BCAS3: variants seen among roughly 807,000 people sequenced by gnomAD.
BCAS3 encodes the protein BCAS3 microtubule associated cell migration factor, also known as BCAS4/BCAS3 fusion.
A neutral mutation model predicts 116.1 loss-of-function variants in BCAS3; 53 were observed. That is an observed-to-expected ratio of 0.46 (90% CI 0.37 to 0.57). The LOEUF (loss-of-function observed/expected upper bound fraction) is 0.57. BCAS3 is among the 20% of genes least tolerant of loss of function. The pLI is 0.00. For missense variants in BCAS3, 917 were observed against 1,165.4 expected (o/e 0.79, Z 3.10); for synonymous variants, 391 against 408.2 (o/e 0.96, Z 0.51).
chr17:61,260,279 C>T (rs1036902485), intron 22 of BCAS3, among the ~76,000 whole-genome samples: 1 of 152,200 alleles, frequency 6.6e-6, no homozygotes, highest in African/African-American at 2.4e-5. Flanking sequence ...AATATGAAAA[C>T]AGTGGAGTTC....
intron 22 of BCAS3, among the ~76,000 whole-genome samples, chr17:61,299,205 A>T (rs2053218724): frequency 6.6e-6 from 1 of 151,668 alleles, no homozygotes; most frequent in African/African-American, 2.4e-5. Context: ...GTACTTTGGG[A>T]GGCTGCGGCA....
rs755081128 is a variant in BCAS3 at position 61,095,884 on chromosome 17, AGTTT to A, written c.2425+11329_2425+11332del. On this transcript the variant is annotated intron_variant, in intron 22 of 23. Transcript: ENST00000407086. The surrounding 1 kb of genome is among the most constrained non-coding windows in gnomAD (Gnocchi z 4.7). Reference sequence around the variant, plus strand: ...ACACACACACACACATTAAATTACTAGTTTGTTTGTTTATTTCTACAGAAATTCA... The same window carrying A: ...ACACACACACACACATTAAATTACTAGTTTGTTTATTTCTACAGAAATTCA... Among the ~76,000 whole-genome samples, 11 of 150,752 alleles carry A rather than the reference AGTTT, an allele frequency of 7.3e-5. No individual in the cohort carries two copies. The highest frequency in any genetic ancestry group is 9.9e-5 in the African/African-American group (4 of 40,364).
chr17:60,745,133 T>G (rs2041922739), intron 5 of BCAS3, among the ~76,000 whole-genome samples: 1 of 152,106 alleles, frequency 6.6e-6, no homozygotes, highest in African/African-American at 2.4e-5. Flanking sequence ...AACTGGCATA[T>G]GCAAATAATA....
At chr17:60,929,898 CTCA>C (rs1453878250) in intron 13 of BCAS3, among the ~76,000 whole-genome samples, 4 of 150,624 alleles carry the variant, frequency 2.7e-5, no homozygotes, top group African/African-American at 1.0e-4. Context: ...AGGACATGAA[CTCA>C]TCATTTTTTA....
chr17:60,799,425 C>T (rs555384762), intron 6 of BCAS3, among the ~76,000 whole-genome samples: 4 of 152,164 alleles, frequency 2.6e-5, no homozygotes, highest in African/African-American at 7.2e-5. Context: ...TGCAACATCC[C>T]CAGCCCTTGA....
intron 10 of BCAS3, chr17:60,900,179 T>C (rs989566371): frequency 7.8e-5 from 11 of 141,024 alleles, no homozygotes; most frequent in African/African-American, 3.3e-4. Flanking sequence ...AGTGAGACGC[T>C]GTCTCTTAAA....
intron 22 of BCAS3, among the ~76,000 whole-genome samples, chr17:61,195,215 G>A (rs1237774514): frequency 6.6e-6 from 1 of 152,228 alleles, no homozygotes. Context: ...GATACAGTAT[G>A]TGAAAGCTGT....
At chr17:60,800,790 G>T (rs1478257338) in intron 6 of BCAS3, among the ~76,000 whole-genome samples, 1 of 151,768 alleles carries the variant, frequency 6.6e-6, no homozygotes, top group Non-Finnish European at 1.5e-5. Flanking sequence ...TTTTTTTATG[G>T]ACATCCAGTT....
At chr17:60,779,925 G>T (rs2045647642) in intron 6 of BCAS3, among the ~76,000 whole-genome samples, 1 of 151,986 alleles carries the variant, frequency 6.6e-6, no homozygotes, top group Admixed American at 6.6e-5. Context: ...ATGATCACTG[G>T]AGCTTGGTGT....
chr17:60,995,732 A>C lies in BCAS3; in HGVS notation c.1486+5497A>C, dbSNP rs982235620. Among the ~76,000 whole-genome samples, 2 of 152,180 alleles carry C rather than the reference A, an allele frequency of 1.3e-5. No individual in the cohort carries two copies. Among genetic ancestry groups the C allele is most frequent in the Admixed American group, 6.5e-5 (1 of 15,280 alleles). ...AGTAACAACTTAAAAAAACATCTCC[A>C]AGGTGTAGTCATTTGATCAACAACA... On this transcript the variant is annotated intron_variant, in intron 15 of 23. Transcript: ENST00000407086. The surrounding 1 kb of genome is among the most constrained non-coding windows in gnomAD (Gnocchi z 4.7).
Position 61,391,936 on chromosome 17 carries a change from C to A in BCAS3, c.2594-41C>A. 6.2e-7 allele frequency: 1 copy of A among 1,602,590 alleles called. No homozygotes were observed. ...CCAGATGGTGCCCCCACTCCCCAGA[C>A]CCAACTCTAACCAGGCCTGGCCCTC... On this transcript the variant is annotated intron_variant, in intron 23 of 23. Transcript: ENST00000407086. The surrounding 1 kb of genome is among the most constrained non-coding windows in gnomAD (Gnocchi z 7.7).
At position 61,362,430 on chromosome 17, in the gene BCAS3, C is replaced by T. The variant is rs77653676; in HGVS notation, c.2426-5897C>T. ...CCAAACCTGGGCAGAACCTCATTAA[C>T]GCAAAGCGGAGGCTGTGCCACAGTC... On this transcript the variant is annotated intron_variant, in intron 22 of 23. Coordinates refer to ENST00000407086, the MANE Select transcript of BCAS3 (RefSeq NM_017679.5). This position sits in a 1 kb window ranked among gnomAD's most constrained non-coding sequence, Gnocchi z 4.4. Among the ~76,000 whole-genome samples, 7,519 of 152,292 alleles carry T rather than the reference C, an allele frequency of 0.049. 567 individuals carry two copies. Among genetic ancestry groups the T allele is most frequent in the African/African-American group, 0.16 (6,733 of 41,546 alleles).
intron 8 of BCAS3, among the ~76,000 whole-genome samples, chr17:60,872,419 C>G (rs1218062793): frequency 6.7e-6 from 1 of 149,732 alleles, no homozygotes; most frequent in African/African-American, 2.5e-5. Flanking sequence ...CCATATATAT[C>G]TGTATGTATA....
At chr17:60,931,844 A>G (rs536600836) in intron 13 of BCAS3, among the ~76,000 whole-genome samples, 6 of 152,250 alleles carry the variant, frequency 3.9e-5, no homozygotes, top group African/African-American at 1.4e-4. Flanking sequence ...AGGCCAAGGC[A>G]GGTGGATAGC....
chr17:60,928,655 T>C (rs1264392458), intron 13 of BCAS3, among the ~76,000 whole-genome samples: 1 of 152,228 alleles, frequency 6.6e-6, no homozygotes, highest in Non-Finnish European at 1.5e-5. Flanking sequence ...TATTGACTTA[T>C]TACTTGATTA....
Position 61,026,804 on chromosome 17 carries a change from T to C in BCAS3, c.1638-7862T>C. ...CTATAACAGTATGATATACTTGTATTTGCTAATGTTAAATGAGTTTTTCTC... is the reference window on the plus strand; with the variant it reads ...CTATAACAGTATGATATACTTGTATCTGCTAATGTTAAATGAGTTTTTCTC... On this transcript the variant is annotated intron_variant, in intron 16 of 23. Transcript: ENST00000407086. The surrounding 1 kb of genome is among the most constrained non-coding windows in gnomAD (Gnocchi z 5.0). 3.5e-6 allele frequency: 5 copies of C among 1,434,720 alleles called. No homozygotes were observed. In the South Asian group the frequency reaches 6.1e-5, roughly 18 times the overall value. The allele number at this position is 1,434,720 out of a possible 1,614,324, so 88.9% of individuals were successfully genotyped here.
intron 22 of BCAS3, among the ~76,000 whole-genome samples, chr17:61,246,499 A>C (rs1296823507): frequency 2.1e-5 from 3 of 139,884 alleles, no homozygotes; most frequent in African/African-American, 8.0e-5. Flanking sequence ...AAAAAAAAAG[A>C]TTTATGTTGT....
intron 22 of BCAS3, among the ~76,000 whole-genome samples, chr17:61,172,798 A>G (rs893269235): frequency 1.3e-5 from 2 of 151,566 alleles, no homozygotes; most frequent in Non-Finnish European, 2.9e-5. Flanking sequence ...ATCCTGGCTA[A>G]CACGGTGAAA....
At chr17:61,046,103 A>G (rs2068317837) in intron 19 of BCAS3, among the ~76,000 whole-genome samples, 1 of 62,146 alleles carries the variant, frequency 1.6e-5, no homozygotes, top group South Asian at 5.0e-4. Flanking sequence ...TATAATATAT[A>G]TATATATAAA....
Sources: gnomAD v4.1 joint callset for allele counts (sites outside exome capture counted in the v4.1 genomes callset) on GRCh38, gnomAD v4.1.1 for gene constraint, Gnocchi (gnomAD v3.1) non-coding constraint, MANE v1.5 for transcripts, NCBI Gene and HGNC (gene_info 2026-07-23, HGNC 2026-07-21) for gene names.